Variants in SNED1 observed in about 807,000 individuals in gnomAD.
The protein encoded by SNED1 is sushi, nidogen and EGF-like domain-containing protein 1.
SNED1 carries 81 observed loss-of-function variants against 166.7 expected under a neutral mutation model. The observed-to-expected ratio is 0.49, with a 90% CI of 0.41 to 0.58. SNED1 has a LOEUF of 0.58. Among genes scored for constraint, SNED1 ranks in the 20% least tolerant of loss-of-function variants. The pLI is 0.00. For synonymous variants in SNED1, 762 were observed against 822.0 expected (o/e 0.93, Z 1.25); for missense variants, 1,604 against 2,000.2 (o/e 0.80, Z 3.78).
rs191914899 is a variant in SNED1, at chr2:241,033,986, C to T, written c.642+111C>T. 5.4e-5 allele frequency: 71 copies of T among 1,321,912 alleles called. No individual in the cohort carries two copies. The African/African-American group carries it at 7.4e-4, about 14-fold the overall frequency. The allele number at this position is 1,321,912 out of a possible 1,614,324, so 81.9% of individuals were successfully genotyped here. On this transcript the variant is annotated intron_variant, in intron 3 of 31. Coordinates refer to ENST00000310397, the MANE Select transcript of SNED1 (RefSeq NM_001080437.3). The stretch of plus-strand genomic sequence containing the variant: ...CTCACCATAGGCAGATCCCCCAGTA[C>T]CGTGCAGAGGCCAACGAGAGACATC...
intron 18 of SNED1, 140 bp from the exon 19 acceptor site, chr2:241,063,872 T>TG: frequency 1.4e-6 from 1 of 736,202 alleles, no homozygotes; most frequent in Non-Finnish European, 2.2e-6. Context: ...TGGGGAGGGC[T>TG]GAGGGGCGGG....
chr2:241,050,351 A>C (rs1283170444), intron 12 of SNED1, among the ~76,000 whole-genome samples: 1 of 152,158 alleles, frequency 6.6e-6, no homozygotes, highest in Non-Finnish European at 1.5e-5. Flanking sequence ...AGGCGTAGCT[A>C]TCCCCGCCAG....
intron 16 of SNED1, among the ~76,000 whole-genome samples, chr2:241,060,949 A>G (rs2062211606): frequency 1.3e-5 from 2 of 152,106 alleles, no homozygotes; most frequent in Admixed American, 1.3e-4. Flanking sequence ...CAACCAAAAA[A>G]AACTATATAA....
chr2:241,069,873 G>A lies in SNED1; in HGVS notation c.3308-47G>A, dbSNP rs1459256483. ...TTCTCAAACCGTGTTCTTGCCAGAA[G>A]ACCCTGTGGGCACCCCCTCACCTCT... On this transcript the variant is annotated intron_variant, in intron 23 of 31. Coordinates refer to ENST00000310397, the MANE Select transcript of SNED1 (RefSeq NM_001080437.3). This position sits in a 1 kb window ranked among gnomAD's most constrained non-coding sequence, Gnocchi z 4.9. The A allele has an allele frequency of 1.9e-6, 3 of 1,585,184 alleles. No homozygotes were observed. Among genetic ancestry groups the A allele is most frequent in the East Asian group, 2.2e-5 (1 of 44,580 alleles).
At position 241,065,466 on chromosome 2, in the gene SNED1, A is replaced by C. The variant is rs776509128; in HGVS notation, c.2881A>C (p.Thr961Pro). 3 of 1,612,786 alleles carry C rather than the reference A, an allele frequency of 1.9e-6. No homozygotes were observed. The African/African-American group carries it at 4.0e-5, about 22-fold the overall frequency. The change falls in exon 21 of 32, where the codon ACC becomes CCC. Residue 961 changes from threonine to proline, a missense_variant. Thr to Pro is a conservative substitution (Grantham distance 38). This residue lies in a region of SNED1 where 1,237 missense variants were observed against 1,620.8 expected (regional missense o/e 0.76). Transcript: ENST00000310397. ...CCGCCGCACAGACTTTGTGGACAGGACCCGCTCCTCGCACCAGCTCCAGGC... is the reference window on the plus strand; with the variant it reads ...CCGCCGCACAGACTTTGTGGACAGGCCCCGCTCCTCGCACCAGCTCCAGGC... ...SYRRTDFVDR[T>P]RSSHQLQALA... is the part of the protein sequence containing the mutation.
At chr2:241,006,756 A>G (rs1012974333) in intron 1 of SNED1, among the ~76,000 whole-genome samples, 2 of 152,180 alleles carry the variant, frequency 1.3e-5, no homozygotes, top group African/African-American at 2.4e-5. Flanking sequence ...TCAATAGCAG[A>G]GGGCACTTCC....
chr2:241,056,609 C>G (rs1379659810), intron 16 of SNED1, among the ~76,000 whole-genome samples: 1 of 50,718 alleles, frequency 2.0e-5, no homozygotes. Context: ...GAGACGGAGT[C>G]TCGCTCTGTC....
intron 18 of SNED1, 72 bp from the exon 19 acceptor site, chr2:241,063,940 T>A: frequency 8.5e-7 from 1 of 1,172,254 alleles, no homozygotes; most frequent in Non-Finnish European, 1.2e-6. Flanking sequence ...TTTCCCTTCT[T>A]CCCGCTGTCC....
chr2:241,037,704 G>A (rs920223147), intron 6 of SNED1, among the ~76,000 whole-genome samples: 3 of 152,208 alleles, frequency 2.0e-5, no homozygotes, highest in African/African-American at 7.2e-5. Flanking sequence ...TGGTGGGGCC[G>A]TCAGACCCCC....
intron 1 of SNED1, among the ~76,000 whole-genome samples, chr2:241,006,997 A>G (rs1450695985): frequency 2.0e-5 from 3 of 152,230 alleles, no homozygotes; most frequent in African/African-American, 4.8e-5. Context: ...TAAAACAAAT[A>G]ATGATAGGTA....
rs368562944 is a variant in SNED1, at chr2:241,065,432, C to T, written c.2847C>T (p.Asp949=). The T allele has an allele frequency of 3.5e-5, 56 of 1,612,954 alleles. No individual in the cohort carries two copies. In the African/African-American group the frequency reaches 5.3e-4, roughly 15 times the overall value. The change falls in exon 21 of 32, where the codon GAC becomes GAT. Residue 949 remains aspartate (D), a synonymous_variant. Coordinates refer to ENST00000310397, the MANE Select transcript of SNED1 (RefSeq NM_001080437.3). ...DGYAVTYVSS[D]GSYRRTDFVD... The stretch of plus-strand genomic sequence containing the variant: ...ACGCGGTCACCTACGTCTCCTCCGA[C>T]GGCTCCTACCGCCGCACAGACTTTG...
intron 2 of SNED1, 168 bp from the exon 3 acceptor site, chr2:241,033,567 T>C: frequency 7.1e-6 from 5 of 700,348 alleles, no homozygotes; most frequent in Non-Finnish European, 1.2e-5. Flanking sequence ...CAGCAGAGGA[T>C]GAGGCCACCA....
Position 241,032,651 on chromosome 2 carries a change from T to TA in SNED1, c.502-1077dup, listed in dbSNP as rs200850856. On this transcript the variant is annotated intron_variant, in intron 2 of 31. Coordinates refer to ENST00000310397, the MANE Select transcript of SNED1 (RefSeq NM_001080437.3). The stretch of plus-strand genomic sequence containing the variant: ...AAGTATAATAAAAAATAAAAAATAA[T>TA]AAAAAAAGTGCTGGTTTCCTTGCAC... 3.3e-5 allele frequency among the ~76,000 whole-genome samples: 5 copies of TA among 152,194 alleles called. No individual in the cohort carries two copies. The East Asian group carries it at 9.7e-4, about 29-fold the overall frequency.
At chr2:241,088,662 C>A (rs911486248) in intron 31 of SNED1, 11 of 497,016 alleles carry the variant, frequency 2.2e-5, no homozygotes, top group Non-Finnish European at 3.9e-5. Flanking sequence ...GGGCAAATCC[C>A]ACTCTCTCTC....
chr2:241,071,031 GA>G (rs1212646236), intron 24 of SNED1, among the ~76,000 whole-genome samples: 1 of 152,218 alleles, frequency 6.6e-6, no homozygotes, highest in Non-Finnish European at 1.5e-5. Context: ...CAGCCAGGCA[GA>G]AGGGGCAGGC....
At chr2:241,089,170 T>C in intron 31 of SNED1, 1 of 865,932 alleles carries the variant, frequency 1.2e-6, no homozygotes, top group Non-Finnish European at 1.7e-6. Context: ...TACAACCTGT[T>C]ACCAGTTTCA....
chr2:241,048,789 C>G (rs2061741097), intron 10 of SNED1, 23 bp downstream of exon 10: 2 of 1,557,978 alleles, frequency 1.3e-6, no homozygotes, highest in Non-Finnish European at 1.8e-6. Flanking sequence ...GTCACCCTTC[C>G]TGCCCTGTCC....
intron 1 of SNED1, 27 bp from the exon 2 acceptor site, chr2:241,030,256 AT>A (rs760206488): frequency 4.6e-6 from 7 of 1,531,912 alleles, no homozygotes; most frequent in Admixed American, 3.8e-5. Flanking sequence ...CCCCCAGTCA[AT>A]CCCCGCTCTG....
chr2:241,024,556 CT>C (rs2060889090), intron 1 of SNED1, among the ~76,000 whole-genome samples: 1 of 151,644 alleles, frequency 6.6e-6, no homozygotes, highest in Admixed American at 6.6e-5. Context: ...ACCCTACTAC[CT>C]TTTTTGTGCA....
Sources: gnomAD v4.1 joint callset for allele counts (sites outside exome capture counted in the v4.1 genomes callset) on GRCh38, gnomAD v4.1.1 for gene constraint, gnomAD v4.1.1 regional missense constraint, Gnocchi (gnomAD v3.1) non-coding constraint, MANE v1.5 for transcripts, NCBI Gene and HGNC (gene_info 2026-07-23, HGNC 2026-07-21) for gene names.